TMEM132B: variants seen among roughly 807,000 people sequenced by gnomAD.
TMEM132B encodes transmembrane protein 132B.
In TMEM132B, 18 loss-of-function variants were observed where a neutral mutation model predicts 90.8. That is an observed-to-expected ratio of 0.20 (90% CI 0.14 to 0.29). The LOEUF (loss-of-function observed/expected upper bound fraction) is 0.29, where lower values mean the gene tolerates loss of function less well. TMEM132B is among the 10% of genes least tolerant of loss of function. The pLI is 1.00. For missense variants in TMEM132B, 1,096 were observed against 1,326.8 expected (o/e 0.83, Z 2.70); for synonymous variants, 504 against 523.3 (o/e 0.96, Z 0.50).
At chr12:125,562,154 T>G (rs1252597802) in intron 4 of TMEM132B, among the ~76,000 whole-genome samples, 3 of 152,194 alleles carry the variant, frequency 2.0e-5, no homozygotes, top group Non-Finnish European at 4.4e-5. Flanking sequence ...ACAAAGACAG[T>G]TTATTGACTT....
intron 1 of TMEM132B, among the ~76,000 whole-genome samples, chr12:125,233,054 C>T (rs1310810237): frequency 6.6e-6 from 1 of 152,056 alleles, no homozygotes; most frequent in Non-Finnish European, 1.5e-5. Context: ...CTCTGATGTC[C>T]CTGGCTTGGG....
At chr12:125,401,577 G>A (rs1879322835) in intron 2 of TMEM132B, among the ~76,000 whole-genome samples, 1 of 152,124 alleles carries the variant, frequency 6.6e-6, no homozygotes, top group Non-Finnish European at 1.5e-5. Context: ...AATGGCAGGT[G>A]GAAAGGTTTA....
intron 3 of TMEM132B, among the ~76,000 whole-genome samples, chr12:125,447,630 A>G (rs983958530): frequency 1.2e-4 from 18 of 151,990 alleles, no homozygotes; most frequent in African/African-American, 3.6e-4. Context: ...TACATCTCTA[A>G]TCATCTGGGT....
intron 1 of TMEM132B, among the ~76,000 whole-genome samples, chr12:125,234,079 A>G (rs984220073): frequency 6.6e-6 from 1 of 152,214 alleles, no homozygotes; most frequent in African/African-American, 2.4e-5. Flanking sequence ...TGGGACTCTC[A>G]TAGCACAGCT....
intron 2 of TMEM132B, among the ~76,000 whole-genome samples, chr12:125,395,807 G>A (rs941262028): frequency 6.6e-5 from 10 of 152,212 alleles, no homozygotes; most frequent in African/African-American, 2.4e-4. Flanking sequence ...CAGAAAGCAA[G>A]CTCTTTCCAT....
intron 1 of TMEM132B, among the ~76,000 whole-genome samples, chr12:125,263,123 G>T (rs983523310): frequency 6.6e-6 from 1 of 152,178 alleles, no homozygotes; most frequent in African/African-American, 2.4e-5. Flanking sequence ...TTATCCCGTG[G>T]TATTGGCAGT....
At position 125,222,144 on chromosome 12, in the gene TMEM132B, T is replaced by G. The variant is rs575127623; in HGVS notation, c.67+35278T>G. On this transcript the variant is annotated intron_variant, in intron 1 of 8. Transcript: ENST00000682704. ...GTGAGATAACAGCCCCACATCACCT[T>G]TATTAGAAAGGTGGGAAAGGGAGCA... Among the ~76,000 whole-genome samples, 8 of 152,236 alleles carry G rather than the reference T, an allele frequency of 5.3e-5. No individual in the cohort carries two copies. In the East Asian group the frequency reaches 1.5e-3, roughly 29 times the overall value.
intron 1 of TMEM132B, among the ~76,000 whole-genome samples, chr12:125,232,219 G>T (rs1873844654): frequency 1.3e-5 from 2 of 152,056 alleles, no homozygotes; most frequent in Non-Finnish European, 2.9e-5. Context: ...AAACAATGCT[G>T]ATGTGAACAT....
At chr12:125,328,710 G>T (rs553833383) in intron 1 of TMEM132B, among the ~76,000 whole-genome samples, 102 of 152,280 alleles carry the variant, frequency 6.7e-4, no homozygotes, top group Non-Finnish European at 1.2e-3. Context: ...CATCATCAAA[G>T]ACCCTATTTC....
chr12:125,591,020 CGT>C (rs148593950), intron 5 of TMEM132B, among the ~76,000 whole-genome samples: 2,874 of 150,630 alleles, frequency 0.019, 74 homozygotes, highest in African/African-American at 0.064. Flanking sequence ...TGCACGCCCG[CGT>C]GTGTGTGTGT....
chr12:125,494,321 C>T (rs1882457382), intron 3 of TMEM132B, among the ~76,000 whole-genome samples: 1 of 139,600 alleles, frequency 7.2e-6, no homozygotes, highest in South Asian at 2.4e-4. Flanking sequence ...CGCCCCTCCT[C>T]CCCCTCCTCA....
chr12:125,319,761 T>C (rs1288735320), intron 1 of TMEM132B, among the ~76,000 whole-genome samples: 1 of 152,160 alleles, frequency 6.6e-6, no homozygotes, highest in African/African-American at 2.4e-5. Context: ...ACACCTGTAA[T>C]CCCAGCCCTG....
intron 1 of TMEM132B, among the ~76,000 whole-genome samples, chr12:125,272,383 G>A (rs1036088082): frequency 1.4e-4 from 22 of 152,100 alleles, no homozygotes; most frequent in African/African-American, 2.4e-5. Context: ...TGAATAGGGC[G>A]TCCCTGTCCC....
At chr12:125,647,175 A>T (rs1021883825) in intron 6 of TMEM132B, among the ~76,000 whole-genome samples, 7 of 152,218 alleles carry the variant, frequency 4.6e-5, no homozygotes, top group Non-Finnish European at 1.0e-4. Flanking sequence ...CAGAGAAAAT[A>T]GTCTTGGGGG....
chr12:125,595,897 G>A (rs1049789985), intron 5 of TMEM132B, among the ~76,000 whole-genome samples: 1 of 150,430 alleles, frequency 6.6e-6, no homozygotes, highest in African/African-American at 2.5e-5. Context: ...CCTACTCTTG[G>A]ACTATCCACA....
At chr12:125,216,253 C>G (rs913341449) in intron 1 of TMEM132B, among the ~76,000 whole-genome samples, 1 of 152,158 alleles carries the variant, frequency 6.6e-6, no homozygotes, top group Non-Finnish European at 1.5e-5. Flanking sequence ...TGGCAGCCTC[C>G]TCTCTGTGTC....
At chr12:125,649,422 C>T (rs1453957167) in intron 6 of TMEM132B, among the ~76,000 whole-genome samples, 1 of 152,214 alleles carries the variant, frequency 6.6e-6, no homozygotes, top group African/African-American at 2.4e-5. Context: ...GCTGGTCTGG[C>T]TGTGTGGGCC....
chr12:125,548,323 T>TC (rs1592986865), intron 4 of TMEM132B, among the ~76,000 whole-genome samples: 1 of 152,196 alleles, frequency 6.6e-6, no homozygotes, highest in East Asian at 1.9e-4. Flanking sequence ...GTTGCAGATG[T>TC]AGGCAGATAT....
rs753727543 is a variant in TMEM132B, at chr12:125,650,662, T to TTTCG, written c.1644-20_1644-17dup. ...TCTTAACAATGAAGACTTTGTTCTG[T>TTTCG]TTCGATTCCTTGTGCTCCAGGCCTA... On this transcript the variant is annotated intron_variant, in intron 6 of 8. Coordinates refer to ENST00000682704, the MANE Select transcript of TMEM132B (RefSeq NM_001366854.1). 6 of 1,601,036 alleles carry TTTCG rather than the reference T, an allele frequency of 3.7e-6. No homozygotes were observed. The Admixed American group carries it at 8.4e-5, about 22-fold the overall frequency.
Sources: allele counts gnomAD v4.1 joint callset (sites outside exome capture counted in the v4.1 genomes callset), GRCh38; gene constraint gnomAD v4.1.1; transcripts MANE v1.5; gene names NCBI Gene and HGNC (gene_info 2026-07-23, HGNC 2026-07-21).